The following PRH1 variants were observed in gnomAD, a reference collection of about 807,000 sequenced individuals.
PRH1 encodes salivary acidic proline-rich phosphoprotein 1/2.
PRH1 carries 7 observed loss-of-function variants against 7.9 expected under a neutral mutation model. That is an observed-to-expected ratio of 0.89 (90% CI 0.50 to 1.67). The LOEUF is 1.67. PRH1 is among the 40% of genes most tolerant of loss of function. The pLI is 0.00. For synonymous variants in PRH1, 45 were observed against 80.8 expected, an observed-to-expected ratio of 0.56 and a Z score of 2.38; for missense variants, 109 against 223.6, an observed-to-expected ratio of 0.49 and a Z score of 3.27.
At chr12:11,071,773 T>C (rs1565621543) in intron 1 of PRH1, among the ~76,000 whole-genome samples, 1 of 152,116 alleles carries the variant, frequency 6.6e-6, no homozygotes, top group African/African-American at 2.4e-5. Context: ...TACATGTCGG[T>C]GTATGTTATT....
chr12:11,023,638 A>T (rs1941766808), intron 1 of PRH1, among the ~76,000 whole-genome samples: 1 of 152,164 alleles, frequency 6.6e-6, no homozygotes, highest in South Asian at 2.1e-4. Context: ...GATGGCTTCC[A>T]TATTGAAGTT....
At chr12:11,022,240 G>T (rs755234275) in intron 1 of PRH1, 36 of 1,614,026 alleles carry the variant, frequency 2.2e-5, no homozygotes, top group Non-Finnish European at 3.0e-5. Context: ...GGAGAAATTG[G>T]CAATCTTGAG....
At chr12:10,956,051 A>G (rs1392669383) in intron 2 of PRH1, among the ~76,000 whole-genome samples, 1 of 152,200 alleles carries the variant, frequency 6.6e-6, no homozygotes, top group African/African-American at 2.4e-5. Context: ...TAAAAAACTG[A>G]GGAAAAGAAA....
intron 1 of PRH1, among the ~76,000 whole-genome samples, chr12:11,055,535 T>G (rs1295067334): frequency 6.6e-6 from 1 of 152,256 alleles, no homozygotes; most frequent in Admixed American, 6.5e-5. Context: ...AGTTCAAGGC[T>G]GTCTTAATGG....
chr12:10,970,347 T>A (rs1341968745), intron 2 of PRH1, among the ~76,000 whole-genome samples: 1 of 152,130 alleles, frequency 6.6e-6, no homozygotes. Context: ...GGGATAATCA[T>A]CCGTATAATT....
intron 1 of PRH1, among the ~76,000 whole-genome samples, chr12:11,153,419 T>G (rs1026402258): frequency 2.0e-5 from 3 of 152,228 alleles, no homozygotes; most frequent in African/African-American, 7.2e-5. Flanking sequence ...CAACTTCCTG[T>G]GTTAAAGTCA....
chr12:10,997,969 T>C (rs780829310), intron 1 of PRH1: 3 of 746,712 alleles, frequency 4.0e-6, no homozygotes, highest in Non-Finnish European at 6.4e-6. Flanking sequence ...ATGCACTTGA[T>C]TCCTGAATGT....
At chr12:11,142,879 G>T (rs1407513830) in intron 1 of PRH1, among the ~76,000 whole-genome samples, 1 of 152,028 alleles carries the variant, frequency 6.6e-6, no homozygotes, top group East Asian at 1.9e-4. Flanking sequence ...GAAAGAGAAA[G>T]ACTTTTCCAA....
At chr12:11,043,443 G>C (rs1407608281) in intron 1 of PRH1, among the ~76,000 whole-genome samples, 1 of 152,132 alleles carries the variant, frequency 6.6e-6, no homozygotes, top group Non-Finnish European at 1.5e-5. Flanking sequence ...GCTCTAGCTA[G>C]AGCAATCATG....
intron 1 of PRH1, among the ~76,000 whole-genome samples, chr12:11,072,529 T>C (rs1944120244): frequency 1.3e-5 from 2 of 152,244 alleles, no homozygotes; most frequent in African/African-American, 2.4e-5. Context: ...TGAAAAATAA[T>C]AATCACATTC....
chr12:11,015,466 G>A (rs1158987045), intron 1 of PRH1, among the ~76,000 whole-genome samples: 1 of 151,968 alleles, frequency 6.6e-6, no homozygotes, highest in Non-Finnish European at 1.5e-5. Flanking sequence ...TCCGCCTTAT[G>A]CCCCTCAGTT....
chr12:11,170,604 G>A (rs140259951), intron 1 of PRH1, among the ~76,000 whole-genome samples: 1 of 152,324 alleles, frequency 6.6e-6, no homozygotes, highest in South Asian at 2.1e-4. Flanking sequence ...AGCTCTTGGA[G>A]CCTAGCCACA....
At chr12:11,070,043 G>A (rs1408758687) in intron 1 of PRH1, among the ~76,000 whole-genome samples, 2 of 152,152 alleles carry the variant, frequency 1.3e-5, no homozygotes, top group African/African-American at 2.4e-5. Flanking sequence ...AGTCAGGCAT[G>A]AGTGGGGCAG....
chr12:10,976,877 T>A (rs1164111826), intron 1 of PRH1, among the ~76,000 whole-genome samples: 1 of 151,666 alleles, frequency 6.6e-6, no homozygotes, highest in Non-Finnish European at 1.5e-5. Context: ...AGAAATTGCA[T>A]CCCTAAATAA....
intron 2 of PRH1, among the ~76,000 whole-genome samples, chr12:10,903,299 A>G (rs1310707961): frequency 6.6e-6 from 1 of 152,186 alleles, no homozygotes; most frequent in Non-Finnish European, 1.5e-5. Flanking sequence ...CAATTCAACA[A>G]GAAGACTTAA....
At chr12:11,166,756 C>T (rs530015359) in intron 1 of PRH1, among the ~76,000 whole-genome samples, 5 of 152,204 alleles carry the variant, frequency 3.3e-5, no homozygotes, top group Non-Finnish European at 5.9e-5. Flanking sequence ...TTAAATACTA[C>T]AAAATTATCT....
intron 2 of PRH1, among the ~76,000 whole-genome samples, chr12:10,890,838 C>CT (rs368364023): frequency 2.3e-4 from 34 of 144,902 alleles, no homozygotes; most frequent in South Asian, 6.6e-4. Flanking sequence ...GGAGGGTTGG[C>CT]TTTTTTTTTT....
chr12:11,102,630 G>T (rs1396514990), intron 1 of PRH1, among the ~76,000 whole-genome samples: 1 of 152,154 alleles, frequency 6.6e-6, no homozygotes, highest in Non-Finnish European at 1.5e-5. Context: ...ACACAGGCAT[G>T]GGCAAGGACT....
At chr12:10,976,178 C>G (rs1210658085) in intron 1 of PRH1, among the ~76,000 whole-genome samples, 1 of 152,164 alleles carries the variant, frequency 6.6e-6, no homozygotes, top group African/African-American at 2.4e-5. Flanking sequence ...TAACATAAAA[C>G]AATTCCTAGC....
Sources: gnomAD v4.1 joint callset for allele counts (sites outside exome capture counted in the v4.1 genomes callset) on GRCh38, gnomAD v4.1.1 for gene constraint, MANE v1.5 for transcripts, NCBI Gene and HGNC (gene_info 2026-07-23, HGNC 2026-07-21) for gene names.